SNW1: variants seen among roughly 807,000 people sequenced by gnomAD.
SNW1 encodes the protein SNW domain-containing protein 1.
In SNW1, 9 loss-of-function variants were observed where a neutral mutation model predicts 75.6. The observed-to-expected ratio is 0.12, with a 90% CI of 0.07 to 0.21. SNW1 has a LOEUF of 0.21. Among genes scored for constraint, SNW1 ranks in the 10% least tolerant of loss-of-function variants. The pLI, the probability that SNW1 is intolerant of heterozygous loss-of-function variation, is 1.00. For missense variants in SNW1, 409 were observed against 670.9 expected (o/e 0.61, Z 4.31); for synonymous variants, 200 against 219.1 (o/e 0.91, Z 0.77).
intron 10 of SNW1, among the ~76,000 whole-genome samples, chr14:77,730,110 C>T (rs2080617252): frequency 6.6e-6 from 1 of 152,194 alleles, no homozygotes; most frequent in Admixed American, 6.6e-5. Context: ...TGCTCTTCCC[C>T]CAGAAATCCA....
intron 10 of SNW1, among the ~76,000 whole-genome samples, chr14:77,724,435 C>G (rs1049172454): frequency 6.6e-6 from 1 of 152,190 alleles, no homozygotes; most frequent in Admixed American, 6.5e-5. Flanking sequence ...ATTCACCCCA[C>G]TGTACTAGGA....
Position 77,738,819 on chromosome 14 carries a change from T to G in SNW1, c.492A>C (p.Pro164=), listed in dbSNP as rs767305003. 2 of 1,614,210 alleles carry G rather than the reference T, an allele frequency of 1.2e-6. No homozygotes were observed. Among genetic ancestry groups the G allele is most frequent in the South Asian group, 2.2e-5 (2 of 91,084 alleles). ...GAGCCAATTTGTCAGCTGCTCGAAC[T>G]GGCATGGCTGCGGCGACCTTCTGTG... ...SVSQKVAAAM[P]VRAADKLAPA... Residue 164 remains proline (P), a synonymous_variant, in exon 5 of 14, where the codon CCA becomes CCC. Coordinates refer to ENST00000261531, the MANE Select transcript of SNW1 (RefSeq NM_012245.3).
At chr14:77,728,035 G>A (rs944659346) in intron 10 of SNW1, among the ~76,000 whole-genome samples, 13 of 141,782 alleles carry the variant, frequency 9.2e-5, no homozygotes, top group African/African-American at 3.5e-4. Context: ...TCTTTCATGG[G>A]AGCAATGTTA....
chr14:77,736,219 C>A (rs2080670265), intron 6 of SNW1, among the ~76,000 whole-genome samples: 1 of 152,168 alleles, frequency 6.6e-6, no homozygotes, highest in South Asian at 2.1e-4. Context: ...ACATTATTGT[C>A]ATTTTGCAGA....
chr14:77,731,820 C>T (rs1006196993), intron 9 of SNW1, among the ~76,000 whole-genome samples: 14 of 152,186 alleles, frequency 9.2e-5, no homozygotes, highest in African/African-American at 3.4e-4. Context: ...CTCACTGCAA[C>T]CTCCACCTCC....
rs756024662 is a variant in SNW1 at position 77,731,144 on chromosome 14, A to G, written c.892-15T>C. 5.6e-6 allele frequency: 9 copies of G among 1,612,510 alleles called. No individual in the cohort carries two copies. The Admixed American group carries it at 1.3e-4, about 24-fold the overall frequency. On this transcript the variant is annotated splice_polypyrimidine_tract_variant and intron_variant, in intron 9 of 13. Coordinates refer to ENST00000261531, the MANE Select transcript of SNW1 (RefSeq NM_012245.3). ...GCTTCACGAGCCTGTTGGTAAAGTC[A>G]CATGTTAAACAGGACACTATCATGG... is the stretch of plus-strand genomic sequence containing the variant.
intron 3 of SNW1, among the ~76,000 whole-genome samples, chr14:77,741,804 G>A (rs998824699): frequency 1.3e-5 from 2 of 152,098 alleles, no homozygotes; most frequent in African/African-American, 2.4e-5. Context: ...CCATAGCAAC[G>A]GTTATAAGGA....
intron 10 of SNW1, among the ~76,000 whole-genome samples, chr14:77,729,247 TAAA>T (rs1324405153): frequency 6.6e-6 from 1 of 152,200 alleles, no homozygotes; most frequent in Non-Finnish European, 1.5e-5. Context: ...TATTAGTAAA[TAAA>T]AGTAATATTT....
chr14:77,758,193 G>A lies in SNW1; in HGVS notation c.14+2921C>T, dbSNP rs534544134. Among the ~76,000 whole-genome samples the A allele has an allele frequency of 3.7e-4, 56 of 151,912 alleles. 1 individual carries two copies. The South Asian group carries it at 6.7e-3, about 18-fold the overall frequency. Reference sequence around the variant, plus strand: ...AAAAACACAAAAATTAGCCGGGCGTGGTGGCGGACGCCTGTAATCCCAGCT... The same window carrying A: ...AAAAACACAAAAATTAGCCGGGCGTAGTGGCGGACGCCTGTAATCCCAGCT... On this transcript the variant is annotated intron_variant, in intron 1 of 13. Transcript: ENST00000261531.
Position 77,718,504 on chromosome 14 carries a change from T to C in SNW1, c.1275A>G (p.Gly425=), listed in dbSNP as rs762773779. The C allele has an allele frequency of 6.2e-7, 1 of 1,612,344 alleles. No homozygotes were observed. Among genetic ancestry groups the C allele is most frequent in the Non-Finnish European group, 8.5e-7 (1 of 1,178,642 alleles). ...CATAAACATTATAAATTTCATCTTCTCCACCTGCAAATCCACTGTCCATAC... is the reference window on the plus strand; with the variant it reads ...CATAAACATTATAAATTTCATCTTCCCCACCTGCAAATCCACTGTCCATAC... ...SKGMDSGFAG[G]EDEIYNVYDQ... Residue 425 remains glycine (G), a synonymous_variant, in exon 13 of 14, where the codon GGA becomes GGG. Transcript: ENST00000261531.
Position 77,751,819 on chromosome 14 carries a change from C to CAT in SNW1, c.169-340_169-339insAT, listed in dbSNP as rs1273973675. Among the ~76,000 whole-genome samples the CAT allele has an allele frequency of 9.4e-3, 1,129 of 119,780 alleles. 5 individuals carry two copies. The highest frequency in any genetic ancestry group is 0.015 in the African/African-American group (489 of 33,638). The allele number at this position is 119,780 out of a possible 152,430, so 78.6% of individuals were successfully genotyped here. On this transcript the variant is annotated intron_variant, in intron 2 of 13. Coordinates refer to ENST00000261531, the MANE Select transcript of SNW1 (RefSeq NM_012245.3). Reference sequence around the variant, plus strand: ...AGTCATGGGAAGACACACACACACACACACACACACACACACACACACACA... The same window carrying CAT: ...AGTCATGGGAAGACACACACACACACATACACACACACACACACACACACACA...
chr14:77,741,758 C>G lies in SNW1; in HGVS notation c.331-2697G>C, dbSNP rs1280940055. On this transcript the variant is annotated intron_variant, in intron 3 of 13. Transcript: ENST00000261531. ...ACAACACAAGAAAAAAATACCAATTCTATGAAGAGTTAATCATGAGGAGTT... is the reference window on the plus strand; with the variant it reads ...ACAACACAAGAAAAAAATACCAATTGTATGAAGAGTTAATCATGAGGAGTT... 2.6e-5 allele frequency among the ~76,000 whole-genome samples: 4 copies of G among 152,106 alleles called. 1 individual carries two copies. The highest frequency in any genetic ancestry group is 9.7e-5 in the African/African-American group (4 of 41,440).
chr14:77,740,266 G>A (rs2080708102), intron 3 of SNW1, among the ~76,000 whole-genome samples: 2 of 148,730 alleles, frequency 1.3e-5, no homozygotes, highest in South Asian at 4.3e-4. Flanking sequence ...AAATATCAAA[G>A]AAAATCAAAT....
At chr14:77,745,610 G>C (rs1274986842) in intron 3 of SNW1, among the ~76,000 whole-genome samples, 1 of 152,212 alleles carries the variant, frequency 6.6e-6, no homozygotes, top group Non-Finnish European at 1.5e-5. Flanking sequence ...AGAAGGCTGA[G>C]GCAGGAGAAC....
chr14:77,746,686 T>C (rs543091399), intron 3 of SNW1, among the ~76,000 whole-genome samples: 1 of 151,810 alleles, frequency 6.6e-6, no homozygotes, highest in African/African-American at 2.4e-5. Flanking sequence ...CGGAATCCTA[T>C]ATAGATTAAT....
At chr14:77,761,023 C>G (rs577166993) in intron 1 of SNW1, 91 bp downstream of exon 1, 21 of 1,614,050 alleles carry the variant, frequency 1.3e-5, no homozygotes, top group African/African-American at 2.7e-5. Flanking sequence ...TGCCCCGGGT[C>G]AGGTCACCGC....
In SNW1 at chr14:77,717,741, T is replaced by C. The variant is rs894014705; in HGVS notation, c.*347A>G. On this transcript the variant is annotated 3_prime_UTR_variant, in exon 14 of 14. Coordinates refer to ENST00000261531, the MANE Select transcript of SNW1 (RefSeq NM_012245.3). ...AGTATGTGAACATCTTCCTCCTCAC[T>C]GTGGTTGGGGTAACTTTACTCATAT... The C allele has an allele frequency of 2.4e-5, 15 of 625,860 alleles. No individual in the cohort carries two copies. Among genetic ancestry groups the C allele is most frequent in the Non-Finnish European group, 4.2e-5 (15 of 359,378 alleles). The allele number at this position is 625,860 out of a possible 1,614,324, so 38.8% of individuals were successfully genotyped here. A position where few individuals can be genotyped will look rare whatever the true frequency, so the allele number is the denominator to read the frequency against.
intron 1 of SNW1, among the ~76,000 whole-genome samples, chr14:77,756,591 C>T (rs568230767): frequency 5.9e-5 from 9 of 152,086 alleles, no homozygotes; most frequent in Non-Finnish European, 1.2e-4. Flanking sequence ...AAATTTAAAA[C>T]TTAGAGGCCA....
At chr14:77,757,032 G>A (rs1050004005) in intron 1 of SNW1, among the ~76,000 whole-genome samples, 3 of 152,188 alleles carry the variant, frequency 2.0e-5, no homozygotes, top group Non-Finnish European at 2.9e-5. Flanking sequence ...ATACTCCAAA[G>A]TATTACAAAA....
Sources: gnomAD v4.1 joint callset for allele counts (sites outside exome capture counted in the v4.1 genomes callset) on GRCh38, gnomAD v4.1.1 for gene constraint, MANE v1.5 for transcripts, NCBI Gene and HGNC (gene_info 2026-07-23, HGNC 2026-07-21) for gene names.